Variants in LPP observed in about 807,000 individuals in gnomAD.
The protein encoded by LPP is LIM domain containing preferred translocation partner in lipoma, also known as lipoma-preferred partner.
In LPP, 38 loss-of-function variants were observed where a neutral mutation model predicts 60.4. The ratio of observed to expected loss-of-function variants is 0.63; its 90% CI spans 0.49 to 0.83. LPP has a LOEUF of 0.83. Among genes scored for constraint, LPP ranks in the 40% least tolerant of loss-of-function variants. The pLI is 0.00. For missense variants in LPP, 902 were observed against 783.6 expected (o/e 1.15, Z -1.80); for synonymous variants, 328 against 290.8 (o/e 1.13, Z -1.30).
At chr3:188,509,779 G>A (rs1300444180) in intron 5 of LPP, among the ~76,000 whole-genome samples, 2 of 148,328 alleles carry the variant, frequency 1.3e-5, no homozygotes, top group African/African-American at 2.5e-5. Context: ...TGCAAACTCC[G>A]CCTCCTGGGT....
At chr3:188,203,577 A>AT (rs1732185307) in intron 1 of LPP, among the ~76,000 whole-genome samples, 2 of 103,636 alleles carry the variant, frequency 1.9e-5, no homozygotes, top group Non-Finnish European at 3.6e-5. Context: ...ATATATATTT[A>AT]AATATATATA....
At chr3:188,350,631 C>T (rs1765591620) in intron 3 of LPP, among the ~76,000 whole-genome samples, 1 of 152,182 alleles carries the variant, frequency 6.6e-6, no homozygotes, top group Non-Finnish European at 1.5e-5. Context: ...TATCACACAG[C>T]CAGGTTATCC....
At chr3:188,683,459 G>T (rs1859973278) in intron 7 of LPP, among the ~76,000 whole-genome samples, 1 of 152,090 alleles carries the variant, frequency 6.6e-6, no homozygotes, top group East Asian at 1.9e-4. Context: ...TTTCCCACCA[G>T]TCCACAACTG....
intron 1 of LPP, among the ~76,000 whole-genome samples, chr3:188,202,073 G>C (rs1731236704): frequency 6.6e-6 from 1 of 151,898 alleles, no homozygotes; most frequent in South Asian, 2.1e-4. Context: ...GGAGAAACTA[G>C]AGCTACTAGA....
At chr3:188,264,285 CAG>C (rs1451545050) in intron 2 of LPP, among the ~76,000 whole-genome samples, 4 of 150,598 alleles carry the variant, frequency 2.7e-5, no homozygotes, top group Admixed American at 6.6e-5. Context: ...GAGAGAGAGA[CAG>C]AGAGGGAGAG....
intron 6 of LPP, among the ~76,000 whole-genome samples, chr3:188,582,719 A>C (rs1020435316): frequency 6.6e-6 from 1 of 152,168 alleles, no homozygotes; most frequent in Non-Finnish European, 1.5e-5. Context: ...CAATGTTTTC[A>C]AAATAAACTC....
intron 4 of LPP, among the ~76,000 whole-genome samples, chr3:188,446,631 T>C (rs978235550): frequency 1.3e-4 from 20 of 152,228 alleles, no homozygotes; most frequent in African/African-American, 4.8e-4. Flanking sequence ...AATGTTTTGC[T>C]GCTTCCAGAG....
At chr3:188,585,809 G>C (rs1298456359) in intron 6 of LPP, among the ~76,000 whole-genome samples, 3 of 152,172 alleles carry the variant, frequency 2.0e-5, no homozygotes, top group Non-Finnish European at 4.4e-5. Context: ...GAATGTGTTT[G>C]AAATATATGC....
chr3:188,846,227 T>C (rs1761354712), intron 9 of LPP, among the ~76,000 whole-genome samples: 1 of 152,072 alleles, frequency 6.6e-6, no homozygotes, highest in South Asian at 2.1e-4. Flanking sequence ...GCAAAAGTTA[T>C]ATGGGTGAAG....
chr3:188,607,792 A>C (rs1476093841), intron 6 of LPP, among the ~76,000 whole-genome samples: 1 of 152,210 alleles, frequency 6.6e-6, no homozygotes, highest in Admixed American at 6.5e-5. Flanking sequence ...ATAAAAATGC[A>C]GGTATAGAAA....
chr3:188,593,205 T>C (rs1839291196), intron 6 of LPP, among the ~76,000 whole-genome samples: 1 of 151,664 alleles, frequency 6.6e-6, no homozygotes, highest in African/African-American at 2.4e-5. Context: ...TGATTTTCTC[T>C]CCTTTTCCTG....
chr3:188,859,800 G>T (rs528362460), intron 9 of LPP, among the ~76,000 whole-genome samples: 9 of 152,296 alleles, frequency 5.9e-5, no homozygotes, highest in African/African-American at 2.2e-4. Flanking sequence ...GTCATCTTCA[G>T]GGGTAGGGGG....
Position 188,162,267 on chromosome 3 carries a change from C to T in LPP, c.-190+8015C>T, listed in dbSNP as rs373211405. Among the ~76,000 whole-genome samples the T allele has an allele frequency of 6.6e-5, 10 of 152,190 alleles. No individual in the cohort carries two copies. The South Asian group carries it at 8.3e-4, about 13-fold the overall frequency. ...TCAGTCTTATCTTGCAGATATTGGT[C>T]GGGAGTTCAAGGGTCATAAAACTTT... On this transcript the variant is annotated intron_variant, in intron 1 of 11. Coordinates refer to ENST00000617246, the MANE Select transcript of LPP (RefSeq NM_001375462.1).
At chr3:188,541,338 G>A (rs545859725) in intron 6 of LPP, among the ~76,000 whole-genome samples, 1 of 152,136 alleles carries the variant, frequency 6.6e-6, no homozygotes, top group Non-Finnish European at 1.5e-5. Context: ...ACCACACTTT[G>A]TGAACCCTTT....
At position 188,406,278 on chromosome 3, in the gene LPP, C is replaced by G. The variant is rs747921514; in HGVS notation, c.158C>G (p.Pro53Arg). Residue 53 changes from proline (P) to arginine (R), a missense_variant, in exon 4 of 12, where the codon CCT becomes CGT. Transcript: ENST00000617246. ...TTTGCCCCGGTAGTTGCTCCAAAAC[C>G]TAAGTACAACCCATACAAACAACCT... The part of the protein sequence containing the change: ...KKFAPVVAPK[P>R]KYNPYKQPGG... 7 of 1,614,006 alleles carry G rather than the reference C, an allele frequency of 4.3e-6. No individual in the cohort carries two copies. The highest frequency in any genetic ancestry group is 1.3e-5 in the African/African-American group (1 of 74,918).
chr3:188,211,503 C>T (rs2149206199), intron 1 of LPP, among the ~76,000 whole-genome samples: 1 of 152,272 alleles, frequency 6.6e-6, no homozygotes, highest in Middle Eastern at 3.4e-3. Context: ...TATCCCGACA[C>T]ACCATTTCCC....
chr3:188,474,045 C>T (rs141262615), intron 4 of LPP, among the ~76,000 whole-genome samples: 16 of 152,246 alleles, frequency 1.1e-4, no homozygotes, highest in South Asian at 6.2e-4. Context: ...TATGACCCAC[C>T]GTAGTACATT....
At chr3:188,782,291 G>A (rs888307792) in intron 9 of LPP, among the ~76,000 whole-genome samples, 5 of 152,146 alleles carry the variant, frequency 3.3e-5, no homozygotes, top group Non-Finnish European at 7.4e-5. Context: ...CTTGCCACTT[G>A]TCTCAGGCAT....
chr3:188,305,233 T>C (rs1049929713), intron 2 of LPP, among the ~76,000 whole-genome samples: 1 of 152,228 alleles, frequency 6.6e-6, no homozygotes, highest in Non-Finnish European at 1.5e-5. Context: ...TTAAAAAAAT[T>C]GTTAGGAAAA....
Sources: gnomAD v4.1 joint callset for allele counts (sites outside exome capture counted in the v4.1 genomes callset) on GRCh38, gnomAD v4.1.1 for gene constraint, MANE v1.5 for transcripts, NCBI Gene and HGNC (gene_info 2026-07-23, HGNC 2026-07-21) for gene names.